GFRA1: variants seen among roughly 807,000 people sequenced by gnomAD.
GFRA1 encodes the protein GDNF family receptor alpha-1.
In GFRA1, 16 loss-of-function variants were observed where a neutral mutation model predicts 51.6. The observed-to-expected ratio is 0.31, with a 90% confidence interval of 0.21 to 0.47. GFRA1 has a LOEUF of 0.47. Ranked by LOEUF, GFRA1 falls within the 20% of genes least tolerant of loss-of-function variation. The probability of loss-of-function intolerance (pLI) is 1.00; values close to 1 mark genes in which losing one functional copy is unlikely to be tolerated. For missense variants in GFRA1, 530 were observed against 594.3 expected (o/e 0.89, Z 1.13); for synonymous variants, 270 against 241.3 (o/e 1.12, Z -1.10).
At chr10:116,175,823 G>C (rs2420245) in intron 5 of GFRA1, among the ~76,000 whole-genome samples, 66,451 of 152,002 alleles carry the variant, frequency 0.44, 14,580 homozygotes, top group African/African-American at 0.49. Flanking sequence ...CTCCTTTTAT[G>C]TGTATTGCCT....
At chr10:116,198,765 G>C (rs1964098741) in intron 5 of GFRA1, among the ~76,000 whole-genome samples, 1 of 152,156 alleles carries the variant, frequency 6.6e-6, no homozygotes, top group East Asian at 1.9e-4. Flanking sequence ...GGGCCACCCA[G>C]GTTGGCTGGT....
At position 116,064,325 on chromosome 10, in the gene GFRA1, A is replaced by G. The variant is rs1954989238; in HGVS notation, c.*73T>C. The G allele has an allele frequency of 1.5e-6, 2 of 1,340,520 alleles. No homozygotes were observed. The highest frequency in any genetic ancestry group is 2.4e-5 in the South Asian group (2 of 83,024). The allele number at this position is 1,340,520 out of a possible 1,614,324, so 83.0% of individuals were successfully genotyped here. On this transcript the variant is annotated 3_prime_UTR_variant, in exon 11 of 11. Transcript: ENST00000355422. ...GAGCTCCTAAACTGGAATTTCAGCTATACAAGAGAACAGGAAACAGATAAC... is the reference window on the plus strand; with the variant it reads ...GAGCTCCTAAACTGGAATTTCAGCTGTACAAGAGAACAGGAAACAGATAAC...
At chr10:116,128,371 T>C (rs1395609151) in intron 5 of GFRA1, among the ~76,000 whole-genome samples, 1 of 152,072 alleles carries the variant, frequency 6.6e-6, no homozygotes, top group Admixed American at 6.6e-5. Context: ...ACACGTAACA[T>C]CTAGGAAATT....
intron 5 of GFRA1, among the ~76,000 whole-genome samples, chr10:116,182,214 CAA>C (rs1488828005): frequency 6.6e-6 from 1 of 151,504 alleles, no homozygotes; most frequent in Non-Finnish European, 1.5e-5. Flanking sequence ...TTGTACAGTG[CAA>C]TGATGATAGT....
In GFRA1 at chr10:116,272,466, G is replaced by A. The variant is rs1373010201; in HGVS notation, c.-246-191C>T. On this transcript the variant is annotated intron_variant, in intron 1 of 10. Transcript: ENST00000355422. The surrounding 1 kb of genome is among the most constrained non-coding windows in gnomAD (Gnocchi z 4.4). Reference sequence around the variant, plus strand: ...TGACACGGGGATGGAGGTGAGGGCTGGAGAGGTCTGAAGAGGGTTCCTAAA... The same window carrying A: ...TGACACGGGGATGGAGGTGAGGGCTAGAGAGGTCTGAAGAGGGTTCCTAAA... 1.8e-5 allele frequency: 5 copies of A among 281,020 alleles called. No homozygotes were observed. The highest frequency in any genetic ancestry group is 6.5e-5 in the African/African-American group (3 of 46,022). 17.4% of individuals were successfully genotyped at this position (281,020 alleles called of 1,614,324 possible). A position where few individuals can be genotyped will look rare whatever the true frequency, so the allele number is the denominator to read the frequency against.
At chr10:116,226,097 G>A (rs939724511) in intron 4 of GFRA1, among the ~76,000 whole-genome samples, 18 of 152,070 alleles carry the variant, frequency 1.2e-4, no homozygotes, top group Non-Finnish European at 2.5e-4. Flanking sequence ...CAAGGTTTTG[G>A]AGGGGTACTT....
intron 4 of GFRA1, among the ~76,000 whole-genome samples, chr10:116,237,283 C>T (rs150060292): frequency 3.6e-4 from 55 of 152,302 alleles, no homozygotes; most frequent in African/African-American, 1.3e-3. Flanking sequence ...GTGTAGCATT[C>T]AGCTCTCTGG....
intron 6 of GFRA1, among the ~76,000 whole-genome samples, 188 bp downstream of exon 6, chr10:116,125,033 C>T (rs538184192): frequency 6.6e-6 from 1 of 152,318 alleles, no homozygotes; most frequent in Non-Finnish European, 1.5e-5. Context: ...GCAGGGAGGC[C>T]TGAATAGCTT....
intron 5 of GFRA1, among the ~76,000 whole-genome samples, chr10:116,209,625 C>G (rs1965037162): frequency 6.6e-6 from 1 of 151,992 alleles, no homozygotes; most frequent in Non-Finnish European, 1.5e-5. Context: ...TGATTTCTAG[C>G]ACAATTTATC....
chr10:116,160,880 TAAC>T lies in GFRA1; in HGVS notation c.434-35326_434-35324del, dbSNP rs745984135. Among the ~76,000 whole-genome samples, 7 of 152,300 alleles carry T rather than the reference TAAC, an allele frequency of 4.6e-5. No individual in the cohort carries two copies. In the South Asian group the frequency reaches 1.5e-3, roughly 32 times the overall value. ...ACTTAGAAAGGAGGGCACCTGTCAA[TAAC>T]AACAATAAATTCTTAATTCTTGGGT... On this transcript the variant is annotated intron_variant, in intron 5 of 10. Transcript: ENST00000355422.
chr10:116,123,288 G>C (rs1373125774), intron 6 of GFRA1, among the ~76,000 whole-genome samples: 1 of 152,154 alleles, frequency 6.6e-6, no homozygotes, highest in African/African-American at 2.4e-5. Context: ...AGTGAGGAAG[G>C]GTCCTTGTAT....
chr10:116,090,743 C>T (rs1228791816), intron 8 of GFRA1, among the ~76,000 whole-genome samples: 3 of 151,758 alleles, frequency 2.0e-5, no homozygotes, highest in Non-Finnish European at 4.4e-5. Flanking sequence ...TTTTTTATTT[C>T]ATATTCATTG....
In GFRA1 at chr10:116,092,420, GTGCGTGTGTA is replaced by G. The variant is rs373095652; in HGVS notation, c.1015+1272_1015+1281del. ...AGCTTTTGTGTGTGTGTGCGTGTGT[GTGCGTGTGTA>G]TGCATAGTAAACTATTAGCTACCAA... On this transcript the variant is annotated intron_variant, in intron 8 of 10. Transcript: ENST00000355422. Among the ~76,000 whole-genome samples the G allele has an allele frequency of 2.6e-3, 403 of 152,088 alleles. 5 individuals are homozygous for G. The East Asian group carries it at 0.029, about 11-fold the overall frequency.
intron 5 of GFRA1, among the ~76,000 whole-genome samples, chr10:116,180,580 C>T (rs1416840495): frequency 1.3e-5 from 2 of 152,318 alleles, no homozygotes; most frequent in African/African-American, 4.8e-5. Context: ...TCAGCAACTT[C>T]GTAACTTTTC....
At chr10:116,097,970 C>T (rs1956670583) in intron 6 of GFRA1, among the ~76,000 whole-genome samples, 2 of 152,178 alleles carry the variant, frequency 1.3e-5, no homozygotes, top group Admixed American at 1.3e-4. Context: ...CTAGAAAGGG[C>T]ATTCAAAGAC....
chr10:116,196,755 ATATAT>A (rs540450285), intron 5 of GFRA1, among the ~76,000 whole-genome samples: 1,820 of 85,516 alleles, frequency 0.021, 178 homozygotes, highest in African/African-American at 0.067. Flanking sequence ...AATATATATT[ATATAT>A]TATATATATA....
At chr10:116,079,878 G>GC (rs1185522659) in intron 9 of GFRA1, among the ~76,000 whole-genome samples, 2 of 152,132 alleles carry the variant, frequency 1.3e-5, no homozygotes, top group Non-Finnish European at 2.9e-5. Context: ...TCATGAAGAA[G>GC]CACCTATCTC....
At chr10:116,266,037 C>T (rs1010117681) in intron 4 of GFRA1, among the ~76,000 whole-genome samples, 1 of 152,116 alleles carries the variant, frequency 6.6e-6, no homozygotes, top group Non-Finnish European at 1.5e-5. Context: ...TTTTAGATTC[C>T]ACCTTATTTT....
chr10:116,224,153 C>T (rs949726615), intron 4 of GFRA1, among the ~76,000 whole-genome samples: 1 of 152,086 alleles, frequency 6.6e-6, no homozygotes, highest in Non-Finnish European at 1.5e-5. Context: ...GTTATAGCCG[C>T]ACAAACAAAG....
Sources: allele counts gnomAD v4.1 joint callset (sites outside exome capture counted in the v4.1 genomes callset), GRCh38; gene constraint gnomAD v4.1.1; non-coding constraint Gnocchi (gnomAD v3.1); transcripts MANE v1.5; gene names NCBI Gene and HGNC (gene_info 2026-07-23, HGNC 2026-07-21).